The following CSMD1 variants were observed in gnomAD, a reference collection of about 807,000 sequenced individuals.
CSMD1 encodes CUB and Sushi multiple domains 1.
Under a neutral mutation model 417.5 loss-of-function variants are expected in CSMD1, and 213 were observed. The observed-to-expected ratio is 0.51, with a 90% CI of 0.46 to 0.57. The LOEUF (loss-of-function observed/expected upper bound fraction) is 0.57, where lower values mean the gene tolerates loss of function less well. Ranked by LOEUF, CSMD1 falls within the 20% of genes least tolerant of loss-of-function variation. The pLI, the probability that CSMD1 is intolerant of heterozygous loss-of-function variation, is 0.00. For synonymous variants in CSMD1, 2,862 were observed against 1,736.8 expected (o/e 1.65, Z -16.11); for missense variants, 6,923 against 4,529.7 (o/e 1.53, Z -15.17).
In CSMD1 at chr8:3,865,422, G is replaced by A. The variant is rs567015716; in HGVS notation, c.819-111380C>T. On this transcript the variant is annotated intron_variant, in intron 5 of 69. Coordinates refer to ENST00000635120, the MANE Select transcript of CSMD1 (RefSeq NM_033225.6). ...GCTCCTTGCACAGCTCTGCCTGCAAGCGAGACTGTGAGGGCTCAGAGGCAG... is the reference window on the plus strand; with the variant it reads ...GCTCCTTGCACAGCTCTGCCTGCAAACGAGACTGTGAGGGCTCAGAGGCAG... 1.8e-3 allele frequency among the ~76,000 whole-genome samples: 275 copies of A among 152,264 alleles called. 1 individual carries two copies. The highest frequency in any genetic ancestry group is 1.7e-3 in the Non-Finnish European group (113 of 68,018).
intron 2 of CSMD1, among the ~76,000 whole-genome samples, chr8:4,492,771 T>C (rs1313946381): frequency 6.6e-6 from 1 of 152,182 alleles, no homozygotes; most frequent in Non-Finnish European, 1.5e-5. Context: ...GGGACACAAA[T>C]CTCTTTCCAT....
chr8:3,508,399 C>G (rs1421244889), intron 10 of CSMD1, among the ~76,000 whole-genome samples: 3 of 151,712 alleles, frequency 2.0e-5, no homozygotes, highest in Admixed American at 2.0e-4. Flanking sequence ...GGAGATATAC[C>G]TAATGTAAGT....
chr8:4,691,844 C>G (rs1249005296), intron 1 of CSMD1, among the ~76,000 whole-genome samples: 1 of 152,196 alleles, frequency 6.6e-6, no homozygotes, highest in Non-Finnish European at 1.5e-5. Flanking sequence ...TTTAATGGGC[C>G]AGTGTTTTCA....
chr8:3,163,094 T>G (rs1373240656), intron 37 of CSMD1, among the ~76,000 whole-genome samples: 1 of 152,226 alleles, frequency 6.6e-6, no homozygotes, highest in Non-Finnish European at 1.5e-5. Context: ...ATGAGCAAGT[T>G]CTGAGGATCT....
At chr8:4,166,322 G>C (rs1037531112) in intron 3 of CSMD1, among the ~76,000 whole-genome samples, 6 of 151,892 alleles carry the variant, frequency 4.0e-5, no homozygotes, top group African/African-American at 9.7e-5. Flanking sequence ...TTTTGTAACA[G>C]GTCTATAAAA....
intron 3 of CSMD1, among the ~76,000 whole-genome samples, chr8:4,171,297 C>G (rs970468043): frequency 2.6e-5 from 4 of 151,842 alleles, no homozygotes; most frequent in Non-Finnish European, 5.9e-5. Context: ...TGTAAGCAAC[C>G]CTACGCCAGG....
chr8:3,759,235 T>C (rs746619393), intron 5 of CSMD1, among the ~76,000 whole-genome samples: 1 of 152,182 alleles, frequency 6.6e-6, no homozygotes, highest in Non-Finnish European at 1.5e-5. Context: ...GTCAACCATA[T>C]CTCCATAAAG....
chr8:4,254,270 C>G (rs142074661), intron 3 of CSMD1, among the ~76,000 whole-genome samples: 376 of 152,166 alleles, frequency 2.5e-3, no homozygotes, highest in Non-Finnish European at 3.9e-3. Flanking sequence ...CAGCGAACAC[C>G]TGTGCCAGTT....
chr8:3,142,860 C>A (rs1042012251), intron 40 of CSMD1, among the ~76,000 whole-genome samples, 186 bp from the exon 41 acceptor site: 3 of 152,222 alleles, frequency 2.0e-5, no homozygotes, highest in Admixed American at 2.0e-4. Flanking sequence ...ACCTCTGCCA[C>A]TTTTTGCCGC....
At chr8:3,165,818 G>C (rs539457639) in intron 37 of CSMD1, among the ~76,000 whole-genome samples, 3 of 152,068 alleles carry the variant, frequency 2.0e-5, no homozygotes, top group Admixed American at 6.5e-5. Context: ...TGGAGCACAG[G>C]AGAACTCTGA....
chr8:3,872,551 C>A (rs1305903323), intron 5 of CSMD1, among the ~76,000 whole-genome samples: 1 of 152,200 alleles, frequency 6.6e-6, no homozygotes, highest in East Asian at 1.9e-4. Context: ...ATCTCAAGAA[C>A]TGAGGTTGTC....
chr8:4,647,907 T>G (rs901074159), intron 1 of CSMD1, among the ~76,000 whole-genome samples: 1 of 152,244 alleles, frequency 6.6e-6, no homozygotes, highest in African/African-American at 2.4e-5. Flanking sequence ...AGTAGAACGA[T>G]TTATATTCCT....
chr8:4,287,480 C>G (rs916219287), intron 3 of CSMD1, among the ~76,000 whole-genome samples: 1 of 152,054 alleles, frequency 6.6e-6, no homozygotes, highest in Non-Finnish European at 1.5e-5. Context: ...GCCCAGGAAA[C>G]TTACTTTACA....
intron 12 of CSMD1, among the ~76,000 whole-genome samples, chr8:3,439,295 A>G (rs1408879199): frequency 8.3e-5 from 4 of 47,986 alleles, no homozygotes; most frequent in African/African-American, 6.1e-4. Flanking sequence ...ATATATATAT[A>G]TATATATATA....
intron 1 of CSMD1, among the ~76,000 whole-genome samples, chr8:4,937,760 G>T (rs934274170): frequency 6.6e-6 from 1 of 151,314 alleles, no homozygotes. Context: ...GATCTAGAGA[G>T]AAGTTTCTCA....
At position 4,649,541 on chromosome 8, in the gene CSMD1, C is replaced by A. The variant is rs144227556; in HGVS notation, c.86-11983G>T. Among the ~76,000 whole-genome samples, 1,507 of 152,296 alleles carry A rather than the reference C, an allele frequency of 9.9e-3. 24 individuals are homozygous for A. The highest frequency in any genetic ancestry group is 0.033 in the African/African-American group (1,370 of 41,558). On this transcript the variant is annotated intron_variant, in intron 1 of 69. Transcript: ENST00000635120. ...TACCCCTGTGCTCATCCTATCCTGA[C>A]ACAATTTAGAAATGATATAGTATTT... is the stretch of plus-strand genomic sequence containing the variant.
intron 3 of CSMD1, among the ~76,000 whole-genome samples, chr8:4,051,340 C>T (rs191937309): frequency 2.7e-5 from 4 of 150,424 alleles, no homozygotes; most frequent in Non-Finnish European, 5.9e-5. Context: ...ACAAGTAAAG[C>T]CAGACTCGGC....
chr8:4,417,030 C>G (rs189379635), intron 3 of CSMD1, among the ~76,000 whole-genome samples: 1 of 152,130 alleles, frequency 6.6e-6, no homozygotes, highest in Non-Finnish European at 1.5e-5. Context: ...AAGTATAGAA[C>G]TAGCAAGTAA....
At chr8:3,141,544 T>A (rs1459155503) in intron 41 of CSMD1, among the ~76,000 whole-genome samples, 3 of 152,058 alleles carry the variant, frequency 2.0e-5, no homozygotes, top group Admixed American at 2.0e-4. Flanking sequence ...TGGTTCCAAG[T>A]CTGAACCTCC....
Sources: allele counts gnomAD v4.1 joint callset (sites outside exome capture counted in the v4.1 genomes callset), GRCh38; gene constraint gnomAD v4.1.1; transcripts MANE v1.5; gene names NCBI Gene and HGNC (gene_info 2026-07-23, HGNC 2026-07-21).